NREP: variants seen among roughly 807,000 people sequenced by gnomAD.
NREP encodes neuronal regeneration-related protein.
NREP carries 5 observed loss-of-function variants against 8.6 expected under a neutral mutation model. That is an observed-to-expected ratio of 0.58 (90% CI 0.30 to 1.22). The LOEUF (loss-of-function observed/expected upper bound fraction) is 1.22, where lower values mean the gene tolerates loss of function less well. NREP is among the 50% of genes most tolerant of loss of function. The pLI, the probability that NREP is intolerant of heterozygous loss-of-function variation, is 0.07. For missense variants in NREP, 86 were observed against 82.5 expected, an observed-to-expected ratio of 1.04 and a Z score of -0.17; for synonymous variants, 27 against 28.0, an observed-to-expected ratio of 0.96 and a Z score of 0.11.
At chr5:111,945,401 T>C (rs922784446) in intron 2 of NREP, among the ~76,000 whole-genome samples, 1 of 151,180 alleles carries the variant, frequency 6.6e-6, no homozygotes, top group South Asian at 2.1e-4. Flanking sequence ...CATTTAACAT[T>C]AGGTATATCT....
At chr5:111,902,494 T>C (rs142576048) in intron 2 of NREP, among the ~76,000 whole-genome samples, 9 of 152,254 alleles carry the variant, frequency 5.9e-5, no homozygotes, top group Non-Finnish European at 1.2e-4. Flanking sequence ...TTTACAGATA[T>C]GATCCTGAAG....
chr5:111,950,138 T>C (rs1185115787), intron 2 of NREP, among the ~76,000 whole-genome samples: 1 of 152,032 alleles, frequency 6.6e-6, no homozygotes, highest in Non-Finnish European at 1.5e-5. Context: ...TGGTGTGAGA[T>C]GGTGGGTGTC....
intron 2 of NREP, among the ~76,000 whole-genome samples, chr5:111,944,860 C>A (rs976884629): frequency 6.6e-6 from 1 of 152,046 alleles, no homozygotes; most frequent in African/African-American, 2.4e-5. Flanking sequence ...TTAGTTCATC[C>A]CCATCCTCAT....
chr5:111,856,615 G>T (rs900140968), intron 2 of NREP, among the ~76,000 whole-genome samples: 1 of 152,082 alleles, frequency 6.6e-6, no homozygotes, highest in Admixed American at 6.6e-5. Context: ...TAGAAGGAAT[G>T]CATTCTATCC....
At chr5:111,764,549 G>C (rs1029872506) in intron 2 of NREP, among the ~76,000 whole-genome samples, 1 of 152,104 alleles carries the variant, frequency 6.6e-6, no homozygotes, top group Non-Finnish European at 1.5e-5. Context: ...TATCACGAGA[G>C]CAGCATGGGA....
At chr5:111,740,679 G>A (rs956733243) in intron 2 of NREP, among the ~76,000 whole-genome samples, 1 of 152,092 alleles carries the variant, frequency 6.6e-6, no homozygotes, top group Non-Finnish European at 1.5e-5. Flanking sequence ...ATGCAAACTA[G>A]ATTATTGCTT....
rs1436530717 is a variant in NREP, at chr5:111,880,487, G to C, written c.135+94787C>G. On this transcript the variant is annotated intron_variant, in intron 2 of 3. Transcript: ENST00000395634. ...AGATGGCATGGCTACTTCTCATTGT[G>C]TTCTTGCATGGTCGTCCTTCTGTCT... Among the ~76,000 whole-genome samples the C allele has an allele frequency of 2.0e-5, 3 of 152,224 alleles. No individual in the cohort carries two copies. The East Asian group carries it at 5.8e-4, about 29-fold the overall frequency.
chr5:111,773,578 G>A (rs1043446166), intron 2 of NREP, among the ~76,000 whole-genome samples: 2 of 152,068 alleles, frequency 1.3e-5, no homozygotes, highest in African/African-American at 4.8e-5. Flanking sequence ...TTTCAGTTGT[G>A]CAACAAAGAT....
chr5:111,800,461 T>C (rs1388579690), intron 2 of NREP, among the ~76,000 whole-genome samples: 1 of 152,252 alleles, frequency 6.6e-6, no homozygotes, highest in African/African-American at 2.4e-5. Flanking sequence ...TGTTGCTTTC[T>C]TGAAATTCTT....
chr5:111,845,248 A>G (rs1258574881), intron 2 of NREP, among the ~76,000 whole-genome samples: 1 of 150,568 alleles, frequency 6.6e-6, no homozygotes, highest in Non-Finnish European at 1.5e-5. Context: ...CGTAATGTGA[A>G]ACTGTCCTTT....
chr5:111,833,225 GA>G (rs1315936020), intron 2 of NREP, among the ~76,000 whole-genome samples: 1 of 152,148 alleles, frequency 6.6e-6, no homozygotes, highest in African/African-American at 2.4e-5. Context: ...GTTACTCAAG[GA>G]AAATCCTCAG....
intron 2 of NREP, among the ~76,000 whole-genome samples, chr5:111,744,906 A>AT (rs1356041136): frequency 2.6e-5 from 4 of 152,078 alleles, no homozygotes; most frequent in Admixed American, 6.6e-5. Flanking sequence ...TCAACCATAG[A>AT]TTTTTCCCCT....
intron 2 of NREP, among the ~76,000 whole-genome samples, chr5:111,961,677 T>C (rs1439858297): frequency 6.6e-6 from 1 of 152,206 alleles, no homozygotes; most frequent in African/African-American, 2.4e-5. Flanking sequence ...TTCCTGCATA[T>C]AATGTCTTCC....
chr5:111,910,126 A>G (rs1451469939), intron 2 of NREP, among the ~76,000 whole-genome samples: 1 of 152,112 alleles, frequency 6.6e-6, no homozygotes, highest in Non-Finnish European at 1.5e-5. Flanking sequence ...CCATTTCCTT[A>G]AATTTAATTA....
chr5:111,967,222 C>G (rs139546042), intron 2 of NREP, among the ~76,000 whole-genome samples: 2 of 152,188 alleles, frequency 1.3e-5, no homozygotes, highest in African/African-American at 4.8e-5. Flanking sequence ...CTTCAGTGCA[C>G]GAGCCCGTCA....
intron 2 of NREP, among the ~76,000 whole-genome samples, chr5:111,872,939 G>A (rs988194811): frequency 6.6e-6 from 1 of 152,052 alleles, no homozygotes; most frequent in South Asian, 2.1e-4. Context: ...CACAGGCTGG[G>A]GAACCATCAG....
chr5:111,918,342 A>G (rs532617908), intron 2 of NREP, among the ~76,000 whole-genome samples: 2 of 152,352 alleles, frequency 1.3e-5, no homozygotes, highest in East Asian at 3.9e-4. Context: ...TCCTCACAGA[A>G]TTAGAAAAAA....
chr5:111,851,385 G>T (rs1753305433), intron 2 of NREP, among the ~76,000 whole-genome samples: 1 of 152,092 alleles, frequency 6.6e-6, no homozygotes. Context: ...CCCCACAAAA[G>T]GGAAGTGGCT....
At chr5:111,776,485 T>G (rs1394793790) in intron 2 of NREP, among the ~76,000 whole-genome samples, 3 of 152,102 alleles carry the variant, frequency 2.0e-5, no homozygotes, top group Non-Finnish European at 4.4e-5. Context: ...GAGAAATAAA[T>G]GCATATATCC....
Sources: allele counts gnomAD v4.1 joint callset (sites outside exome capture counted in the v4.1 genomes callset), GRCh38; gene constraint gnomAD v4.1.1; transcripts MANE v1.5; gene names NCBI Gene and HGNC (gene_info 2026-07-23, HGNC 2026-07-21).